TMEM132B: variants seen among roughly 807,000 people sequenced by gnomAD.
TMEM132B encodes transmembrane protein 132B.
In TMEM132B, 18 loss-of-function variants were observed where a neutral mutation model predicts 90.8. The ratio of observed to expected loss-of-function variants is 0.20; its 90% CI spans 0.14 to 0.29. The LOEUF (loss-of-function observed/expected upper bound fraction) is 0.29. TMEM132B is among the 10% of genes least tolerant of loss of function. TMEM132B has a pLI of 1.00. For synonymous variants in TMEM132B, 504 were observed against 523.3 expected, an observed-to-expected ratio of 0.96 and a Z score of 0.50; for missense variants, 1,096 against 1,326.8, an observed-to-expected ratio of 0.83 and a Z score of 2.70.
At chr12:125,220,331 G>A (rs559552440) in intron 1 of TMEM132B, among the ~76,000 whole-genome samples, 1 of 152,324 alleles carries the variant, frequency 6.6e-6, no homozygotes, top group South Asian at 2.1e-4. Context: ...AACCACATCT[G>A]TGAGAACCAG....
At chr12:125,383,571 C>A (rs1209001948) in intron 2 of TMEM132B, among the ~76,000 whole-genome samples, 1 of 152,178 alleles carries the variant, frequency 6.6e-6, no homozygotes, top group African/African-American at 2.4e-5. Flanking sequence ...CATCAGACCT[C>A]ATTATTTCTT....
At chr12:125,326,129 C>T (rs959766813) in intron 1 of TMEM132B, among the ~76,000 whole-genome samples, 1 of 152,228 alleles carries the variant, frequency 6.6e-6, no homozygotes, top group Non-Finnish European at 1.5e-5. Context: ...GTCTCTCTCT[C>T]TCCCTTAATG....
At chr12:125,565,302 C>G (rs931947999) in intron 4 of TMEM132B, among the ~76,000 whole-genome samples, 6 of 152,100 alleles carry the variant, frequency 3.9e-5, no homozygotes, top group Non-Finnish European at 7.4e-5. Context: ...ATGCTCAAAC[C>G]CTGTGTGGGA....
chr12:125,511,483 T>A (rs1462058274), intron 3 of TMEM132B, among the ~76,000 whole-genome samples: 1 of 152,104 alleles, frequency 6.6e-6, no homozygotes, highest in Non-Finnish European at 1.5e-5. Context: ...CACTCTCATC[T>A]CTTTTTTCAG....
chr12:125,457,356 G>C lies in TMEM132B; in HGVS notation c.1106+41679G>C, dbSNP rs895869845. Among the ~76,000 whole-genome samples the C allele has an allele frequency of 5.9e-5, 9 of 152,128 alleles. 1 individual carries two copies. The highest frequency in any genetic ancestry group is 1.3e-4 in the Non-Finnish European group (9 of 68,038). The stretch of plus-strand genomic sequence containing the variant: ...TTCCACCATTTTAGCTCCTAATTGG[G>C]GTGGAGGGTGAATCGGTCTCCTGTG... On this transcript the variant is annotated intron_variant, in intron 3 of 8. Transcript: ENST00000682704.
At chr12:125,345,500 C>T (rs183891980) in intron 1 of TMEM132B, among the ~76,000 whole-genome samples, 14 of 152,292 alleles carry the variant, frequency 9.2e-5, no homozygotes, top group Admixed American at 8.5e-4. Context: ...TCACAGGTTC[C>T]CTGCCTGGAT....
intron 1 of TMEM132B, among the ~76,000 whole-genome samples, chr12:125,307,260 C>T (rs564033399): frequency 5.3e-5 from 8 of 152,228 alleles, no homozygotes; most frequent in South Asian, 2.1e-4. Context: ...GGATTCTGTC[C>T]GGCACATAGA....
At chr12:125,312,001 T>G (rs1240959302) in intron 1 of TMEM132B, among the ~76,000 whole-genome samples, 1 of 152,196 alleles carries the variant, frequency 6.6e-6, no homozygotes, top group Non-Finnish European at 1.5e-5. Flanking sequence ...CTCTCTCCAG[T>G]GCAGTAATAG....
At chr12:125,249,002 C>T (rs1309224094) in intron 1 of TMEM132B, among the ~76,000 whole-genome samples, 2 of 152,164 alleles carry the variant, frequency 1.3e-5, no homozygotes, top group Admixed American at 1.3e-4. Flanking sequence ...GTCTAGGTGC[C>T]ACTGAGCCCC....
intron 5 of TMEM132B, chr12:125,586,768 G>C (rs1395616391): frequency 1.3e-5 from 2 of 152,168 alleles, no homozygotes; most frequent in Non-Finnish European, 2.9e-5. Context: ...CAAAGTATAA[G>C]AGTAGTGATG....
chr12:125,523,177 A>G (rs1883354491), intron 4 of TMEM132B, among the ~76,000 whole-genome samples: 1 of 152,230 alleles, frequency 6.6e-6, no homozygotes, highest in African/African-American at 2.4e-5. Context: ...ACAAATTACC[A>G]TAAACTCAAT....
rs137979101 is a variant in TMEM132B, at chr12:125,650,665, C to T, written c.1644-18C>T. 1.2e-5 allele frequency: 19 copies of T among 1,601,014 alleles called. No individual in the cohort carries two copies. The highest frequency in any genetic ancestry group is 1.1e-4 in the African/African-American group (8 of 74,816). ...TAACAATGAAGACTTTGTTCTGTTT[C>T]GATTCCTTGTGCTCCAGGCCTACCC... On this transcript the variant is annotated intron_variant, in intron 6 of 8. Coordinates refer to ENST00000682704, the MANE Select transcript of TMEM132B (RefSeq NM_001366854.1).
chr12:125,211,791 C>T (rs1003574745), intron 1 of TMEM132B, among the ~76,000 whole-genome samples: 1 of 152,224 alleles, frequency 6.6e-6, no homozygotes, highest in Non-Finnish European at 1.5e-5. Context: ...AGGATGCCCT[C>T]TCTTTTTCCC....
At chr12:125,441,220 A>G (rs1235447770) in intron 3 of TMEM132B, among the ~76,000 whole-genome samples, 1 of 152,204 alleles carries the variant, frequency 6.6e-6, no homozygotes, top group Non-Finnish European at 1.5e-5. Flanking sequence ...ATATTGATTG[A>G]ATTAATATTA....
intron 4 of TMEM132B, among the ~76,000 whole-genome samples, chr12:125,582,723 T>G (rs921565949): frequency 2.6e-5 from 4 of 152,216 alleles, no homozygotes; most frequent in African/African-American, 7.2e-5. Flanking sequence ...ATTGCATGCT[T>G]GTTGCCCATT....
intron 1 of TMEM132B, among the ~76,000 whole-genome samples, chr12:125,333,206 C>T (rs1198847886): frequency 6.6e-6 from 1 of 152,174 alleles, no homozygotes; most frequent in Non-Finnish European, 1.5e-5. Flanking sequence ...TCTCCTATGT[C>T]TTTGTGTGTC....
chr12:125,543,026 T>TAAAAA (rs1883995499), intron 4 of TMEM132B, among the ~76,000 whole-genome samples: 2 of 152,180 alleles, frequency 1.3e-5, no homozygotes, highest in Non-Finnish European at 2.9e-5. Flanking sequence ...ATATGACCCT[T>TAAAAA]ATTCAGTCAC....
At chr12:125,527,678 A>T (rs1224973751) in intron 4 of TMEM132B, among the ~76,000 whole-genome samples, 1 of 139,738 alleles carries the variant, frequency 7.2e-6, no homozygotes, top group African/African-American at 2.8e-5. Context: ...TTACCCATTC[A>T]CCCTTCCAAC....
At chr12:125,369,701 A>C (rs1277623536) in intron 2 of TMEM132B, among the ~76,000 whole-genome samples, 1 of 152,206 alleles carries the variant, frequency 6.6e-6, no homozygotes, top group Non-Finnish European at 1.5e-5. Flanking sequence ...CAAGCAGGGG[A>C]AATGAAAATT....
Sources: allele counts gnomAD v4.1 joint callset (sites outside exome capture counted in the v4.1 genomes callset), GRCh38; gene constraint gnomAD v4.1.1; transcripts MANE v1.5; gene names NCBI Gene and HGNC (gene_info 2026-07-23, HGNC 2026-07-21).